The following SIGLEC7 variants were observed in gnomAD, a reference collection of about 807,000 sequenced individuals.
SIGLEC7 encodes the protein sialic acid-binding Ig-like lectin 7.
Under a neutral mutation model 40.8 loss-of-function variants are expected in SIGLEC7, and 33 were observed. The observed-to-expected ratio is 0.81, with a 90% confidence interval of 0.61 to 1.08. SIGLEC7 has a LOEUF of 1.08. Among genes scored for constraint, SIGLEC7 ranks in the 50% least tolerant of loss-of-function variants. The probability of loss-of-function intolerance (pLI) is 0.00; values close to 1 mark genes in which losing one functional copy is unlikely to be tolerated. For missense variants in SIGLEC7, 513 were observed against 576.1 expected (o/e 0.89, Z 1.12); for synonymous variants, 242 against 237.6 (o/e 1.02, Z -0.17).
Position 51,145,748 on chromosome 19 carries a change from T to C in SIGLEC7, c.761-107T>C. The C allele has an allele frequency of 7.6e-7, 1 of 1,319,366 alleles. No individual in the cohort carries two copies. The highest frequency in any genetic ancestry group is 1.3e-5 in the South Asian group (1 of 75,814). The allele number at this position is 1,319,366 out of a possible 1,614,324, so 81.7% of individuals were successfully genotyped here. ...TGAGCGGTGAACATAAGTATGTCCCTGCACCAGCCTACATCACTCTCTGTT... is the reference window on the plus strand; with the variant it reads ...TGAGCGGTGAACATAAGTATGTCCCCGCACCAGCCTACATCACTCTCTGTT... On this transcript the variant is annotated intron_variant, in intron 3 of 6. Coordinates refer to ENST00000317643, the MANE Select transcript of SIGLEC7 (RefSeq NM_014385.4). The surrounding 1 kb of genome is among the most constrained non-coding windows in gnomAD (Gnocchi z 4.3).
In SIGLEC7 at chr19:51,146,809, C is replaced by T; in HGVS notation, c.1083C>T (p.Ala361=). 6.2e-7 allele frequency: 1 copy of T among 1,614,056 alleles called. No individual in the cohort carries two copies. Among genetic ancestry groups the T allele is most frequent in the Non-Finnish European group, 8.5e-7 (1 of 1,179,970 alleles). Residue 361 remains alanine (A), a synonymous_variant, in exon 5 of 7, where the codon GCC becomes GCT. Coordinates refer to ENST00000317643, the MANE Select transcript of SIGLEC7 (RefSeq NM_014385.4). ...VLLGAVGGAG[A]TALVFLSFCV... is the part of the protein sequence containing the mutation. The stretch of plus-strand genomic sequence containing the variant: ...TGGGGGCGGTCGGGGGAGCTGGAGC[C>T]ACAGCCCTGGTCTTCCTCTCCTTCT...
rs772659773 is a variant in SIGLEC7, at chr19:51,145,874, C to T, written c.780C>T (p.Asn260=). The T allele has an allele frequency of 9.9e-6, 16 of 1,614,056 alleles. No individual in the cohort carries two copies. The highest frequency in any genetic ancestry group is 1.3e-5 in the Non-Finnish European group (15 of 1,180,020). The part of the protein sequence containing the change: ...GEGTASTALG[N]SSSLSVLEGQ... Reference sequence around the variant, plus strand: ...CTACAGCATCCACAGCTCTGGGGAACAGCTCATCTCTTTCAGTCCTAGAGG... The same window carrying T: ...CTACAGCATCCACAGCTCTGGGGAATAGCTCATCTCTTTCAGTCCTAGAGG... The change falls in exon 4 of 7, where the codon AAC becomes AAT. Residue 260 remains asparagine, a synonymous_variant. Coordinates refer to ENST00000317643, the MANE Select transcript of SIGLEC7 (RefSeq NM_014385.4). This position sits in a 1 kb window ranked among gnomAD's most constrained non-coding sequence, Gnocchi z 4.3.
At chr19:51,147,859 T>G (rs1458177100) in intron 6 of SIGLEC7, among the ~76,000 whole-genome samples, 1 of 152,222 alleles carries the variant, frequency 6.6e-6, no homozygotes, top group Non-Finnish European at 1.5e-5. Context: ...CTTTCTGGCC[T>G]ACACAGTCTC....
At chr19:51,151,364 G>T (rs1046092244) in intron 6 of SIGLEC7, among the ~76,000 whole-genome samples, 1 of 152,246 alleles carries the variant, frequency 6.6e-6, no homozygotes, top group Non-Finnish European at 1.5e-5. Flanking sequence ...GAGGAGTTCA[G>T]ATTGAATAGG....
intron 2 of SIGLEC7, 106 bp downstream of exon 2, chr19:51,144,790 G>C: frequency 6.3e-7 from 1 of 1,578,322 alleles, no homozygotes; most frequent in South Asian, 1.1e-5. Flanking sequence ...CCAGAATCTG[G>C]GCTGGTTGTG....
chr19:51,147,180 G>A (rs754178097), intron 5 of SIGLEC7, 41 bp from the exon 6 acceptor site: 111 of 1,609,596 alleles, frequency 6.9e-5, no homozygotes, highest in Non-Finnish European at 8.9e-5. Flanking sequence ...ACTGCACCCC[G>A]ATCTGACCAC....
chr19:51,145,390 T>G lies in SIGLEC7; in HGVS notation c.760+431T>G, dbSNP rs182985885. The stretch of plus-strand genomic sequence containing the variant: ...CAACCAGGGTCTGTCCAGGCTGTCC[T>G]GAGCCTTGGTTTGTGCACCTGGAAG... On this transcript the variant is annotated intron_variant, in intron 3 of 6. Transcript: ENST00000317643. This position sits in a 1 kb window ranked among gnomAD's most constrained non-coding sequence, Gnocchi z 4.3. Among the ~76,000 whole-genome samples the G allele has an allele frequency of 3.9e-5, 6 of 152,346 alleles. No homozygotes were observed. In the East Asian group the frequency reaches 1.2e-3, roughly 29 times the overall value.
At chr19:51,150,963 G>A (rs773359494) in intron 6 of SIGLEC7, among the ~76,000 whole-genome samples, 1 of 152,182 alleles carries the variant, frequency 6.6e-6, no homozygotes, top group Non-Finnish European at 1.5e-5. Context: ...GACGAGATTG[G>A]GTCCGTTCAG....
Position 51,147,302 on chromosome 19 carries a change from G to C in SIGLEC7, c.1206G>C (p.Arg402Ser), listed in dbSNP as rs770653289. The stretch of plus-strand genomic sequence containing the variant: ...GCATGAAGGATGCAAACACCATCAG[G>C]GGCTCAGCCTCTCAGGTGAGTGATA... ...DIGMKDANTIRGSASQGNLTE... is the reference protein window; with the variant it reads ...DIGMKDANTISGSASQGNLTE... Residue 402 changes from arginine (R) to serine (S), a missense_variant, in exon 6 of 7, where the codon AGG becomes AGC. Transcript: ENST00000317643. 1.9e-6 allele frequency: 3 copies of C among 1,610,550 alleles called. No homozygotes were observed. The highest frequency in any genetic ancestry group is 2.5e-6 in the Non-Finnish European group (3 of 1,177,730).
chr19:51,152,854 T>C (rs2092152878), intron 6 of SIGLEC7: 1 of 388,636 alleles, frequency 2.6e-6, no homozygotes. Context: ...ACCAAACAAG[T>C]TGCTCAATAA....
At chr19:51,148,777 G>A (rs1053422741) in intron 6 of SIGLEC7, among the ~76,000 whole-genome samples, 2 of 152,170 alleles carry the variant, frequency 1.3e-5, no homozygotes, top group Non-Finnish European at 2.9e-5. Flanking sequence ...GCTTTCCACA[G>A]TGGTTGAACT....
intron 4 of SIGLEC7, 26 bp downstream of exon 4, chr19:51,146,147 G>A (rs760479937): frequency 1.2e-5 from 20 of 1,605,128 alleles, no homozygotes; most frequent in Non-Finnish European, 1.6e-5. Context: ...GCTGGAGGAG[G>A]AGAACACACC....
rs146905818 is a variant in SIGLEC7 at position 51,149,523 on chromosome 19, T to C, written c.1221+2206T>C. 1.2e-4 allele frequency among the ~76,000 whole-genome samples: 18 copies of C among 152,332 alleles called. No individual in the cohort carries two copies. In the East Asian group the frequency reaches 3.5e-3, roughly 29 times the overall value. Reference sequence around the variant, plus strand: ...TTCCATTGGTCTATGTGTCTGTTTTTGTACCACTACCATGCTGTTTTGGTT... The same window carrying C: ...TTCCATTGGTCTATGTGTCTGTTTTCGTACCACTACCATGCTGTTTTGGTT... On this transcript the variant is annotated intron_variant, in intron 6 of 6. Coordinates refer to ENST00000317643, the MANE Select transcript of SIGLEC7 (RefSeq NM_014385.4).
Position 51,144,974 on chromosome 19 carries a change from C to T in SIGLEC7, c.760+15C>T, listed in dbSNP as rs371956450. The T allele has an allele frequency of 1.9e-6, 3 of 1,613,696 alleles. No individual in the cohort carries two copies. The South Asian group carries it at 3.3e-5, about 18-fold the overall frequency. ...AGAAGGCACAGGTAGGATGGAGCCCCCTCCCTGGGGCTGGGGGAGCAGGGC... is the reference window on the plus strand; with the variant it reads ...AGAAGGCACAGGTAGGATGGAGCCCTCTCCCTGGGGCTGGGGGAGCAGGGC... On this transcript the variant is annotated intron_variant, in intron 3 of 6. Coordinates refer to ENST00000317643, the MANE Select transcript of SIGLEC7 (RefSeq NM_014385.4).
intron 4 of SIGLEC7, 118 bp from the exon 5 acceptor site, chr19:51,146,636 C>G (rs2092109849): frequency 1.3e-6 from 1 of 799,966 alleles, no homozygotes; most frequent in Non-Finnish European, 2.0e-6. Context: ...CCATTCTTGC[C>G]CTTTGTTTCT....
At chr19:51,150,416 T>C (rs1179413902) in intron 6 of SIGLEC7, among the ~76,000 whole-genome samples, 1 of 152,220 alleles carries the variant, frequency 6.6e-6, no homozygotes, top group Admixed American at 6.5e-5. Flanking sequence ...TGTGTTTTTG[T>C]CTTTAGTTCT....
chr19:51,146,471 G>A (rs1323956228), intron 4 of SIGLEC7, among the ~76,000 whole-genome samples: 4 of 152,216 alleles, frequency 2.6e-5, no homozygotes, highest in African/African-American at 9.6e-5. Flanking sequence ...GCAAGCAAGT[G>A]AAATAATATT....
chr19:51,153,246 GA>G lies in SIGLEC7; in HGVS notation c.*5del. On this transcript the variant is annotated 3_prime_UTR_variant, in exon 7 of 7. Coordinates refer to ENST00000317643, the MANE Select transcript of SIGLEC7 (RefSeq NM_014385.4). The stretch of plus-strand genomic sequence containing the variant: ...CTCAGAGATCAAGATCCCCAAGTAA[GA>G]AAATGCAGAGGCTCGGGCTTGTTTG... The G allele has an allele frequency of 6.4e-7, 1 of 1,558,370 alleles. No individual in the cohort carries two copies. The highest frequency in any genetic ancestry group is 8.7e-7 in the Non-Finnish European group (1 of 1,150,356).
Position 51,149,308 on chromosome 19 carries a change from C to T in SIGLEC7, c.1221+1991C>T, listed in dbSNP as rs549713102. Among the ~76,000 whole-genome samples the T allele has an allele frequency of 3.9e-5, 6 of 152,308 alleles. No individual in the cohort carries two copies. In the South Asian group the frequency reaches 1.2e-3, roughly 32 times the overall value. ...TTGAGTTTTACATTTAAGTTTTTAA[C>T]CCATCTCGAGTTGATTTTTATATGT... On this transcript the variant is annotated intron_variant, in intron 6 of 6. Transcript: ENST00000317643.
Sources: allele counts gnomAD v4.1 joint callset (sites outside exome capture counted in the v4.1 genomes callset), GRCh38; gene constraint gnomAD v4.1.1; non-coding constraint Gnocchi (gnomAD v3.1); transcripts MANE v1.5; gene names NCBI Gene and HGNC (gene_info 2026-07-23, HGNC 2026-07-21).